PPP1R12B: variants seen among roughly 807,000 people sequenced by gnomAD.
PPP1R12B encodes protein phosphatase 1 regulatory subunit 12B.
PPP1R12B carries 76 observed loss-of-function variants against 126.1 expected under a neutral mutation model. The ratio of observed to expected loss-of-function variants is 0.60; its 90% CI spans 0.50 to 0.73. PPP1R12B has a LOEUF of 0.73. Ranked by LOEUF, PPP1R12B falls within the 30% of genes least tolerant of loss-of-function variation. PPP1R12B has a pLI of 0.00. For missense variants in PPP1R12B, 1,052 were observed against 1,205.1 expected (o/e 0.87, Z 1.88); for synonymous variants, 356 against 434.7 (o/e 0.82, Z 2.25).
intron 18 of PPP1R12B, among the ~76,000 whole-genome samples, chr1:202,517,786 C>A (rs1682333614): frequency 6.6e-6 from 1 of 152,010 alleles, no homozygotes; most frequent in African/African-American, 2.4e-5. Flanking sequence ...CTATCATGCC[C>A]CTCTAATTTT....
chr1:202,395,304 A>G (rs1490381151), intron 1 of PPP1R12B, among the ~76,000 whole-genome samples: 1 of 152,132 alleles, frequency 6.6e-6, no homozygotes, highest in Non-Finnish European at 1.5e-5. Flanking sequence ...AGGAAGCAGT[A>G]TTAGGACCAT....
At chr1:202,435,793 G>A (rs1413133250) in intron 9 of PPP1R12B, among the ~76,000 whole-genome samples, 3 of 152,170 alleles carry the variant, frequency 2.0e-5, no homozygotes, top group Admixed American at 6.5e-5. Flanking sequence ...TATTCTTGTG[G>A]AAATGAGAGA....
intron 8 of PPP1R12B, among the ~76,000 whole-genome samples, chr1:202,434,433 AAGTTGG>A (rs1189660476): frequency 6.6e-6 from 1 of 152,200 alleles, no homozygotes; most frequent in Non-Finnish European, 1.5e-5. Flanking sequence ...TTTTATCTGA[AAGTTGG>A]AGTTGGAGCC....
intron 13 of PPP1R12B, among the ~76,000 whole-genome samples, chr1:202,455,391 G>A (rs1347028842): frequency 1.3e-5 from 2 of 151,908 alleles, no homozygotes; most frequent in Non-Finnish European, 2.9e-5. Context: ...ATTCCCCCTA[G>A]GCCTAAGCAA....
intron 13 of PPP1R12B, among the ~76,000 whole-genome samples, chr1:202,477,029 C>G (rs1676762573): frequency 6.6e-6 from 1 of 152,120 alleles, no homozygotes; most frequent in South Asian, 2.1e-4. Flanking sequence ...AAGTCCTCTT[C>G]CAAATGAGTT....
At chr1:202,526,562 A>T (rs2148927919) in intron 18 of PPP1R12B, among the ~76,000 whole-genome samples, 1 of 152,104 alleles carries the variant, frequency 6.6e-6, no homozygotes, top group African/African-American at 2.4e-5. Context: ...GAAGGGAGAG[A>T]GGGGAGAGTG....
At chr1:202,579,970 C>T (rs1347541830) in intron 23 of PPP1R12B, among the ~76,000 whole-genome samples, 1 of 152,168 alleles carries the variant, frequency 6.6e-6, no homozygotes, top group Non-Finnish European at 1.5e-5. Flanking sequence ...GTGCATATGG[C>T]AAGAAAGCCG....
At chr1:202,469,649 T>A (rs1459320963) in intron 13 of PPP1R12B, among the ~76,000 whole-genome samples, 1 of 151,936 alleles carries the variant, frequency 6.6e-6, no homozygotes, top group African/African-American at 2.4e-5. Flanking sequence ...AAGGGCAAAT[T>A]TTACCATATG....
intron 1 of PPP1R12B, among the ~76,000 whole-genome samples, chr1:202,408,476 T>C (rs2148588380): frequency 6.6e-6 from 1 of 152,328 alleles, no homozygotes; most frequent in East Asian, 1.9e-4. Flanking sequence ...TTTCAGTTAC[T>C]AGTAAGGATT....
chr1:202,568,169 TACACACACACACAC>T (rs112151278), intron 22 of PPP1R12B, among the ~76,000 whole-genome samples: 2 of 147,360 alleles, frequency 1.4e-5, no homozygotes, highest in Non-Finnish European at 3.0e-5. Flanking sequence ...AATCATTGCA[TACACACACACACAC>T]ACACACACAC....
chr1:202,451,910 G>T (rs1477474315), intron 13 of PPP1R12B, among the ~76,000 whole-genome samples: 1 of 152,054 alleles, frequency 6.6e-6, no homozygotes, highest in Admixed American at 6.5e-5. Flanking sequence ...CTTCCCAGAC[G>T]GGGTGGCTGC....
intron 1 of PPP1R12B, among the ~76,000 whole-genome samples, chr1:202,409,614 C>G (rs1667127393): frequency 6.6e-6 from 1 of 152,120 alleles, no homozygotes. Flanking sequence ...CCCACAACGC[C>G]CAGCCAACAC....
chr1:202,574,476 C>T (rs559213306), intron 23 of PPP1R12B, among the ~76,000 whole-genome samples: 1 of 152,160 alleles, frequency 6.6e-6, no homozygotes, highest in Non-Finnish European at 1.5e-5. Flanking sequence ...GCACTCCAGC[C>T]AAGGTGACAG....
chr1:202,442,557 C>T lies in PPP1R12B; in HGVS notation c.1652C>T (p.Ser551Leu), dbSNP rs1671767500. The change falls in exon 12 of 24, where the codon TCA becomes TTA. Residue 551 changes from serine (S) to leucine (L), a missense_variant. Ser to Leu is a moderately radical substitution (Grantham distance 145). Coordinates refer to ENST00000608999, the MANE Select transcript of PPP1R12B (RefSeq NM_002481.4). ...PQTIAPSTYV[S>L]TYLKRTPHKS... ...ACAATTGCTCCCTCCACCTATGTAT[C>T]AACTTACTTGAAAAGGTACCAGGCT... 2 of 1,612,022 alleles carry T rather than the reference C, an allele frequency of 1.2e-6. No individual in the cohort carries two copies. Among genetic ancestry groups the T allele is most frequent in the Admixed American group, 3.4e-5 (2 of 59,594 alleles).
At chr1:202,516,030 A>G (rs1682108555) in intron 18 of PPP1R12B, among the ~76,000 whole-genome samples, 1 of 152,208 alleles carries the variant, frequency 6.6e-6, no homozygotes, top group Non-Finnish European at 1.5e-5. Context: ...TTGCCAAATT[A>G]TATACTCCCT....
chr1:202,367,241 T>C (rs1571616397), intron 1 of PPP1R12B, among the ~76,000 whole-genome samples: 1 of 152,198 alleles, frequency 6.6e-6, no homozygotes, highest in Admixed American at 6.5e-5. Context: ...AGTATTGTTA[T>C]GTTTAGTTAG....
At chr1:202,491,952 A>G (rs1399333401) in intron 14 of PPP1R12B, among the ~76,000 whole-genome samples, 1 of 152,014 alleles carries the variant, frequency 6.6e-6, no homozygotes, top group Non-Finnish European at 1.5e-5. Context: ...ACCTATCCTC[A>G]TTCTCTCTCT....
intron 18 of PPP1R12B, chr1:202,501,965 G>C: frequency 1.0e-6 from 1 of 985,762 alleles, no homozygotes; most frequent in Non-Finnish European, 1.2e-6. Context: ...TCAAGATTCA[G>C]TGGGTAGAGC....
rs746464212 is a variant in PPP1R12B at position 202,495,378 on chromosome 1, A to G, written c.2231A>G (p.Tyr744Cys). ...CCTTCTACGTCAAGACCCTCACTCT[A>G]CACCAGTTCCCACCTGCTATGGACA... Reference protein sequence around the residue: ...ASPSTSRPSLYTSSHLLWTNR... With the variant: ...ASPSTSRPSLCTSSHLLWTNR... The change falls in exon 16 of 24, where the codon TAC becomes TGC. Residue 744 changes from tyrosine to cysteine, a missense_variant. Physicochemically the swap from Tyr to Cys is radical, Grantham distance 194. Transcript: ENST00000608999. The G allele has an allele frequency of 1.6e-5, 25 of 1,611,030 alleles. No individual in the cohort carries two copies. In the African/African-American group the frequency reaches 3.1e-4, roughly 20 times the overall value.
Sources: gnomAD v4.1 joint callset for allele counts (sites outside exome capture counted in the v4.1 genomes callset) on GRCh38, gnomAD v4.1.1 for gene constraint, MANE v1.5 for transcripts, NCBI Gene and HGNC (gene_info 2026-07-23, HGNC 2026-07-21) for gene names.